GALNT18: variants seen among roughly 807,000 people sequenced by gnomAD.
GALNT18 encodes the protein GalNAc-transferase 18.
A neutral mutation model predicts 69.5 loss-of-function variants in GALNT18; 44 were observed. That is an observed-to-expected ratio of 0.63 (90% CI 0.50 to 0.81). The LOEUF (loss-of-function observed/expected upper bound fraction) is 0.81, where lower values mean the gene tolerates loss of function less well. Ranked by LOEUF, GALNT18 falls within the 40% of genes least tolerant of loss-of-function variation. GALNT18 has a pLI of 0.00. For missense variants in GALNT18, 715 were observed against 810.0 expected (o/e 0.88, Z 1.42); for synonymous variants, 364 against 318.2 (o/e 1.14, Z -1.53).
At chr11:11,378,666 G>A (rs1853834103) in intron 4 of GALNT18, among the ~76,000 whole-genome samples, 1 of 152,226 alleles carries the variant, frequency 6.6e-6, no homozygotes, top group Non-Finnish European at 1.5e-5. Context: ...CCCCACCTTT[G>A]CCCACTTGCT....
intron 9 of GALNT18, among the ~76,000 whole-genome samples, chr11:11,301,656 A>C (rs1018050808): frequency 3.2e-4 from 49 of 152,340 alleles, no homozygotes; most frequent in African/African-American, 1.1e-3. Context: ...GGCTGAGCAC[A>C]GGCACACGAA....
chr11:11,431,952 G>A (rs1589996266), intron 3 of GALNT18, among the ~76,000 whole-genome samples: 2 of 152,344 alleles, frequency 1.3e-5, no homozygotes, highest in Middle Eastern at 3.4e-3. Flanking sequence ...GGGGGGCAAA[G>A]AATCAGAGAC....
In GALNT18 at chr11:11,614,514, C is replaced by A. The variant is rs1860000211; in HGVS notation, c.235+6845G>T. On this transcript the variant is annotated intron_variant, in intron 1 of 10. Transcript: ENST00000227756. The surrounding 1 kb of genome is among the most constrained non-coding windows in gnomAD (Gnocchi z 5.6). ...ATTCATACAAACACCTCCCACTAGG[C>A]CCCACCTCAAACACTGGGGACCACA... Among the ~76,000 whole-genome samples, 1 of 152,144 alleles carries A rather than the reference C, an allele frequency of 6.6e-6. No homozygotes were observed. Among genetic ancestry groups the A allele is most frequent in the African/African-American group, 2.4e-5 (1 of 41,422 alleles).
At chr11:11,310,117 A>G (rs1366394846) in intron 9 of GALNT18, among the ~76,000 whole-genome samples, 2 of 152,150 alleles carry the variant, frequency 1.3e-5, no homozygotes, top group East Asian at 1.9e-4. Context: ...CCACTTCCTC[A>G]TTTGCTTCCT....
chr11:11,303,791 C>G (rs1276413128), intron 9 of GALNT18, among the ~76,000 whole-genome samples: 1 of 152,240 alleles, frequency 6.6e-6, no homozygotes, highest in Admixed American at 6.5e-5. Context: ...GACACCATCA[C>G]ACAAACTTAT....
In GALNT18 at chr11:11,502,203, G is replaced by A. The variant is rs373293994; in HGVS notation, c.236-53267C>T. 1.1e-4 allele frequency among the ~76,000 whole-genome samples: 17 copies of A among 152,318 alleles called. No homozygotes were observed. In the South Asian group the frequency reaches 1.4e-3, roughly 13 times the overall value. On this transcript the variant is annotated intron_variant, in intron 1 of 10. Coordinates refer to ENST00000227756, the MANE Select transcript of GALNT18 (RefSeq NM_198516.3). ...CATGAATAAGATGTATCTCTAAGGC[G>A]AAGTGAGGCTTGCAGAATTTATGCG...
intron 1 of GALNT18, among the ~76,000 whole-genome samples, chr11:11,556,238 A>T (rs1259882872): frequency 1.3e-5 from 2 of 152,252 alleles, no homozygotes; most frequent in East Asian, 3.8e-4. Flanking sequence ...TTAAGGAGTC[A>T]GCCATCAGGA....
intron 1 of GALNT18, among the ~76,000 whole-genome samples, chr11:11,478,969 G>A (rs1315253895): frequency 6.6e-6 from 1 of 152,042 alleles, no homozygotes; most frequent in Non-Finnish European, 1.5e-5. Flanking sequence ...CCTCAGGGCT[G>A]ACTCCTCTCA....
In GALNT18 at chr11:11,614,359, A is replaced by AGAAGAG. The variant is rs920399060; in HGVS notation, c.235+6994_235+6999dup. ...AGGCAAGAGAGTGAGGAGAAGAAGAAGAAGAGGAGGAGGAGGAGGAGGAGG... is the reference window on the plus strand; with the variant it reads ...AGGCAAGAGAGTGAGGAGAAGAAGAAGAAGAGGAAGAGGAGGAGGAGGAGGAGGAGG... On this transcript the variant is annotated intron_variant, in intron 1 of 10. Transcript: ENST00000227756. This position sits in a 1 kb window ranked among gnomAD's most constrained non-coding sequence, Gnocchi z 5.6. 4.4e-5 allele frequency among the ~76,000 whole-genome samples: 5 copies of AGAAGAG among 114,058 alleles called. No individual in the cohort carries two copies. Among genetic ancestry groups the AGAAGAG allele is most frequent in the African/African-American group, 1.8e-4 (4 of 22,484 alleles). 74.8% of individuals were successfully genotyped at this position (114,058 alleles called of 152,430 possible). A position where few individuals can be genotyped will look rare whatever the true frequency, so the allele number is the denominator to read the frequency against.
chr11:11,483,993 T>A (rs919817210), intron 1 of GALNT18, among the ~76,000 whole-genome samples: 2 of 152,022 alleles, frequency 1.3e-5, no homozygotes, highest in African/African-American at 4.8e-5. Context: ...GGGGGTCCAA[T>A]GTGTAACCCC....
rs564382061 is a variant in GALNT18 at position 11,380,845 on chromosome 11, T to C, written c.596-1581A>G. ...ATTTCATTACCCAATGTCTTTCTTATCCAGCCCTTCTAGGTTTCCAGCTTC... is the reference window on the plus strand; with the variant it reads ...ATTTCATTACCCAATGTCTTTCTTACCCAGCCCTTCTAGGTTTCCAGCTTC... On this transcript the variant is annotated intron_variant, in intron 3 of 10. Coordinates refer to ENST00000227756, the MANE Select transcript of GALNT18 (RefSeq NM_198516.3). 7.9e-5 allele frequency among the ~76,000 whole-genome samples: 12 copies of C among 152,396 alleles called. No individual in the cohort carries two copies. The South Asian group carries it at 2.1e-3, about 26-fold the overall frequency.
chr11:11,297,154 C>T (rs1395706581), intron 9 of GALNT18, among the ~76,000 whole-genome samples: 1 of 152,062 alleles, frequency 6.6e-6, no homozygotes, highest in Non-Finnish European at 1.5e-5. Context: ...TGGGATCCCA[C>T]TCAACATCCT....
intron 8 of GALNT18, among the ~76,000 whole-genome samples, chr11:11,328,662 T>A (rs1849967278): frequency 6.6e-6 from 1 of 152,204 alleles, no homozygotes; most frequent in Non-Finnish European, 1.5e-5. Flanking sequence ...AAATATTGCA[T>A]GAATGTGTGT....
At chr11:11,357,507 C>T (rs1263988930) in intron 6 of GALNT18, among the ~76,000 whole-genome samples, 1 of 152,228 alleles carries the variant, frequency 6.6e-6, no homozygotes, top group Non-Finnish European at 1.5e-5. Flanking sequence ...TGTCTTCTAT[C>T]ACTTCCCCTT....
chr11:11,496,165 G>A lies in GALNT18; in HGVS notation c.236-47229C>T, dbSNP rs571669555. Among the ~76,000 whole-genome samples the A allele has an allele frequency of 3.9e-3, 587 of 152,328 alleles. 3 individuals are homozygous for A. Among genetic ancestry groups the A allele is most frequent in the African/African-American group, 0.013 (528 of 41,572 alleles). ...ATGAATGAACAAATATGGAGAAAGCGTCTCTTGCAAACACTTCTCCACTAA... is the reference window on the plus strand; with the variant it reads ...ATGAATGAACAAATATGGAGAAAGCATCTCTTGCAAACACTTCTCCACTAA... On this transcript the variant is annotated intron_variant, in intron 1 of 10. Coordinates refer to ENST00000227756, the MANE Select transcript of GALNT18 (RefSeq NM_198516.3). This position sits in a 1 kb window ranked among gnomAD's most constrained non-coding sequence, Gnocchi z 4.0.
rs1334486473 is a variant in GALNT18, at chr11:11,596,621, C to T, written c.235+24738G>A. Among the ~76,000 whole-genome samples the T allele has an allele frequency of 6.6e-6, 1 of 151,950 alleles. No individual in the cohort carries two copies. Among genetic ancestry groups the T allele is most frequent in the Non-Finnish European group, 1.5e-5 (1 of 67,966 alleles). ...CTAAGCATTTTATTCTTTTTGATTCCATTATACATGATTTTTTATAGTTTG... is the reference window on the plus strand; with the variant it reads ...CTAAGCATTTTATTCTTTTTGATTCTATTATACATGATTTTTTATAGTTTG... On this transcript the variant is annotated intron_variant, in intron 1 of 10. Coordinates refer to ENST00000227756, the MANE Select transcript of GALNT18 (RefSeq NM_198516.3). This position sits in a 1 kb window ranked among gnomAD's most constrained non-coding sequence, Gnocchi z 4.2.
Position 11,613,279 on chromosome 11 carries a change from G to A in GALNT18, c.235+8080C>T, listed in dbSNP as rs140367067. Among the ~76,000 whole-genome samples the A allele has an allele frequency of 3.3e-5, 5 of 152,330 alleles. No homozygotes were observed. The highest frequency in any genetic ancestry group is 6.5e-5 in the Admixed American group (1 of 15,302). On this transcript the variant is annotated intron_variant, in intron 1 of 10. Transcript: ENST00000227756. The surrounding 1 kb of genome is among the most constrained non-coding windows in gnomAD (Gnocchi z 4.2). ...TCTATAAAAGGTATACAGATCCACA[G>A]AGAAGATTCCAGAACAGCAGTCATT...
chr11:11,297,979 G>T (rs1253075824), intron 9 of GALNT18, among the ~76,000 whole-genome samples: 1 of 152,234 alleles, frequency 6.6e-6, no homozygotes, highest in Non-Finnish European at 1.5e-5. Context: ...TCCAGGCCAG[G>T]GGTAGGAGCC....
intron 3 of GALNT18, among the ~76,000 whole-genome samples, chr11:11,427,430 A>G (rs184349195): frequency 5.3e-4 from 80 of 152,310 alleles, no homozygotes; most frequent in Non-Finnish European, 1.2e-4. Flanking sequence ...AGGCGCCAGC[A>G]TGCACGGAAC....
Sources: allele counts gnomAD v4.1 joint callset (sites outside exome capture counted in the v4.1 genomes callset), GRCh38; gene constraint gnomAD v4.1.1; non-coding constraint Gnocchi (gnomAD v3.1); transcripts MANE v1.5; gene names NCBI Gene and HGNC (gene_info 2026-07-23, HGNC 2026-07-21).